Variants in ANGPT1 observed in about 807,000 individuals in gnomAD.
ANGPT1 encodes the protein angiopoietin 1, also known as angiopoietin-1.
ANGPT1 carries 17 observed loss-of-function variants against 62.2 expected under a neutral mutation model. That is an observed-to-expected ratio of 0.27 (90% CI 0.19 to 0.41). The LOEUF is 0.41. ANGPT1 is among the 10% of genes least tolerant of loss of function. ANGPT1 has a pLI of 1.00. For missense variants in ANGPT1, 478 were observed against 594.9 expected (o/e 0.80, Z 2.04); for synonymous variants, 199 against 198.9 (o/e 1.00, Z 0.00).
At chr8:107,399,408 G>T (rs1816999119) in intron 1 of ANGPT1, among the ~76,000 whole-genome samples, 1 of 152,144 alleles carries the variant, frequency 6.6e-6, no homozygotes, top group Non-Finnish European at 1.5e-5. Context: ...ATAAAGGCTT[G>T]TAATTTTCAT....
At chr8:107,438,219 C>T (rs1448377999) in intron 1 of ANGPT1, among the ~76,000 whole-genome samples, 1 of 152,118 alleles carries the variant, frequency 6.6e-6, no homozygotes, top group Non-Finnish European at 1.5e-5. Flanking sequence ...TTACCTTTAG[C>T]ATTATGATTA....
chr8:107,370,402 AAGAAAG>A lies in ANGPT1; in HGVS notation c.298-23311_298-23306del, dbSNP rs1382987186. Among the ~76,000 whole-genome samples the A allele has an allele frequency of 9.3e-5, 5 of 53,656 alleles. 2 individuals carry two copies. Among genetic ancestry groups the A allele is most frequent in the African/African-American group, 1.3e-4 (3 of 22,630 alleles). The allele number at this position is 53,656 out of a possible 152,430, so 35.2% of individuals were successfully genotyped here. ...AAAGAAAGAAAGAAAGAAAGAAAGA[AAGAAAG>A]AGTCAGGGTCAGTGGCTCAGGCCTA... is the stretch of plus-strand genomic sequence containing the variant. On this transcript the variant is annotated intron_variant, in intron 1 of 8. Coordinates refer to ENST00000517746, the MANE Select transcript of ANGPT1 (RefSeq NM_001146.5).
intron 7 of ANGPT1, among the ~76,000 whole-genome samples, chr8:107,279,020 T>C (rs1813932189): frequency 6.6e-6 from 1 of 152,164 alleles, no homozygotes. Context: ...TAGAGCCAGA[T>C]TTCTTCTCAG....
intron 1 of ANGPT1, among the ~76,000 whole-genome samples, chr8:107,491,437 T>G (rs1812951325): frequency 6.6e-6 from 1 of 152,030 alleles, no homozygotes. Flanking sequence ...CATGAAGAAA[T>G]AAAACAGTAT....
chr8:107,493,139 C>A (rs1341457820), intron 1 of ANGPT1, among the ~76,000 whole-genome samples: 1 of 150,282 alleles, frequency 6.7e-6, no homozygotes, highest in Non-Finnish European at 1.5e-5. Flanking sequence ...ATTACAATAA[C>A]AAAAAATTAA....
intron 1 of ANGPT1, among the ~76,000 whole-genome samples, chr8:107,390,450 C>A (rs1345073599): frequency 1.3e-5 from 2 of 152,122 alleles, no homozygotes; most frequent in African/African-American, 4.8e-5. Flanking sequence ...AGTACAGATA[C>A]TGAGATGAGT....
At chr8:107,313,347 CTTAAAG>C (rs1814923032) in intron 4 of ANGPT1, among the ~76,000 whole-genome samples, 1 of 144,828 alleles carries the variant, frequency 6.9e-6, no homozygotes, top group South Asian at 2.2e-4. Context: ...TTCCAGTGTA[CTTAAAG>C]TTAGTTTTCA....
intron 1 of ANGPT1, among the ~76,000 whole-genome samples, chr8:107,376,005 C>G (rs190783947): frequency 4.6e-5 from 7 of 152,272 alleles, no homozygotes; most frequent in Non-Finnish European, 8.8e-5. Flanking sequence ...CTCTTGCTTT[C>G]TTTATTCAGG....
chr8:107,329,377 C>T (rs905713340), intron 3 of ANGPT1, among the ~76,000 whole-genome samples: 12 of 151,934 alleles, frequency 7.9e-5, no homozygotes, highest in African/African-American at 2.9e-4. Context: ...GTTTGTCTTA[C>T]TTGTTTTTAT....
chr8:107,321,772 A>T, intron 4 of ANGPT1, 124 bp downstream of exon 4: 1 of 712,922 alleles, frequency 1.4e-6, no homozygotes, highest in Non-Finnish European at 2.2e-6. Flanking sequence ...AATGATTCTA[A>T]CCATAAAGTT....
chr8:107,391,814 A>G (rs1193937689), intron 1 of ANGPT1, among the ~76,000 whole-genome samples: 1 of 152,216 alleles, frequency 6.6e-6, no homozygotes, highest in African/African-American at 2.4e-5. Context: ...ATGTTAGTAC[A>G]CTGAATATGG....
chr8:107,459,618 T>C (rs1812014851), intron 1 of ANGPT1, among the ~76,000 whole-genome samples: 1 of 152,180 alleles, frequency 6.6e-6, no homozygotes, highest in Non-Finnish European at 1.5e-5. Context: ...TTTACAACAG[T>C]TTTCGTGGTC....
At chr8:107,314,813 A>C (rs1814976524) in intron 4 of ANGPT1, among the ~76,000 whole-genome samples, 1 of 152,218 alleles carries the variant, frequency 6.6e-6, no homozygotes, top group South Asian at 2.1e-4. Flanking sequence ...CCAGTCAACG[A>C]AACTGATATA....
intron 1 of ANGPT1, among the ~76,000 whole-genome samples, chr8:107,386,070 A>T (rs901522010): frequency 6.6e-6 from 1 of 152,154 alleles, no homozygotes; most frequent in African/African-American, 2.4e-5. Context: ...ATATTAAAAA[A>T]AAATCAGATC....
intron 5 of ANGPT1, among the ~76,000 whole-genome samples, chr8:107,301,508 CT>C (rs1301105659): frequency 6.6e-6 from 1 of 151,706 alleles, no homozygotes; most frequent in East Asian, 1.9e-4. Flanking sequence ...GGATATCTTC[CT>C]TAGAATAAGT....
chr8:107,410,023 A>G (rs981802768), intron 1 of ANGPT1, among the ~76,000 whole-genome samples: 1 of 152,252 alleles, frequency 6.6e-6, no homozygotes, highest in Non-Finnish European at 1.5e-5. Context: ...TGCTGTGCTA[A>G]GTAATAGGAA....
At chr8:107,352,147 A>G (rs1815946777) in intron 1 of ANGPT1, among the ~76,000 whole-genome samples, 1 of 152,186 alleles carries the variant, frequency 6.6e-6, no homozygotes, top group African/African-American at 2.4e-5. Context: ...GTTAAAAACA[A>G]ATTCTGATAA....
At chr8:107,255,279 AAG>A (rs1586161742) in intron 8 of ANGPT1, among the ~76,000 whole-genome samples, 1 of 152,194 alleles carries the variant, frequency 6.6e-6, no homozygotes, top group African/African-American at 2.4e-5. Context: ...ACTGGACAGA[AAG>A]AGCTTCTATA....
chr8:107,440,868 T>A (rs912686857), intron 1 of ANGPT1, among the ~76,000 whole-genome samples: 2 of 152,216 alleles, frequency 1.3e-5, no homozygotes, highest in African/African-American at 4.8e-5. Context: ...TCCTGCCATG[T>A]CATATGCTTA....
Sources: gnomAD v4.1 joint callset for allele counts (sites outside exome capture counted in the v4.1 genomes callset) on GRCh38, gnomAD v4.1.1 for gene constraint, MANE v1.5 for transcripts, NCBI Gene and HGNC (gene_info 2026-07-23, HGNC 2026-07-21) for gene names.